The following DNAI4 variants were observed in gnomAD, a reference collection of about 807,000 sequenced individuals.
The protein encoded by DNAI4 is WD repeat domain 78.
DNAI4 carries 85 observed loss-of-function variants against 105.8 expected under a neutral mutation model. The observed-to-expected ratio is 0.80, with a 90% CI of 0.67 to 0.96. The LOEUF is 0.96. Among genes scored for constraint, DNAI4 ranks in the 40% least tolerant of loss-of-function variants. DNAI4 has a pLI of 0.00. For missense variants in DNAI4, 1,014 were observed against 1,005.6 expected, an observed-to-expected ratio of 1.01 and a Z score of -0.11; for synonymous variants, 352 against 331.5, an observed-to-expected ratio of 1.06 and a Z score of -0.67.
chr1:66,864,958 G>C (rs933082260), intron 6 of DNAI4, among the ~76,000 whole-genome samples: 5 of 152,138 alleles, frequency 3.3e-5, no homozygotes, highest in Non-Finnish European at 5.9e-5. Flanking sequence ...TAATCAACTG[G>C]GGATGTTCTA....
intron 13 of DNAI4, among the ~76,000 whole-genome samples, chr1:66,829,947 T>C (rs977979500): frequency 1.3e-5 from 2 of 152,126 alleles, no homozygotes; most frequent in African/African-American, 4.8e-5. Context: ...GGAAACTAAA[T>C]AACATGCTTC....
intron 16 of DNAI4, among the ~76,000 whole-genome samples, chr1:66,817,232 C>T (rs1645535962): frequency 6.6e-6 from 1 of 152,114 alleles, no homozygotes; most frequent in African/African-American, 2.4e-5. Flanking sequence ...TTCTCATTAG[C>T]ATGTTTTTCA....
intron 7 of DNAI4, among the ~76,000 whole-genome samples, chr1:66,859,440 C>T (rs538696190): frequency 6.6e-6 from 1 of 152,198 alleles, no homozygotes; most frequent in Admixed American, 6.5e-5. Context: ...AAAAATCGGG[C>T]TCCTAGATAT....
chr1:66,889,973 G>A (rs1269666612), intron 4 of DNAI4, among the ~76,000 whole-genome samples: 4 of 152,078 alleles, frequency 2.6e-5, no homozygotes, highest in African/African-American at 4.8e-5. Flanking sequence ...TTCCACATAT[G>A]TTATTATGGA....
At chr1:66,922,942 T>G (rs2100917411) in intron 1 of DNAI4, among the ~76,000 whole-genome samples, 1 of 152,266 alleles carries the variant, frequency 6.6e-6, no homozygotes, top group South Asian at 2.1e-4. Context: ...ATTAAAGACA[T>G]CAGAGTGAAG....
intron 7 of DNAI4, among the ~76,000 whole-genome samples, chr1:66,856,553 C>T (rs1429737370): frequency 6.6e-6 from 1 of 151,862 alleles, no homozygotes. Context: ...TTCTCAAGCT[C>T]ACATGGCACA....
At chr1:66,853,906 A>T (rs182928061) in intron 7 of DNAI4, among the ~76,000 whole-genome samples, 1 of 152,354 alleles carries the variant, frequency 6.6e-6, no homozygotes, top group African/African-American at 2.4e-5. Flanking sequence ...AGGCATGTAG[A>T]TCAGATAGAA....
At chr1:66,922,297 C>T (rs1650546096) in intron 1 of DNAI4, among the ~76,000 whole-genome samples, 1 of 143,998 alleles carries the variant, frequency 6.9e-6, no homozygotes, top group Admixed American at 7.2e-5. Context: ...AGTATTATTA[C>T]TTTATATGGG....
chr1:66,839,268 C>T (rs1646097216), intron 9 of DNAI4, among the ~76,000 whole-genome samples: 1 of 151,884 alleles, frequency 6.6e-6, no homozygotes. Flanking sequence ...CCCCATCTCC[C>T]CAAAAAATTA....
intron 1 of DNAI4, among the ~76,000 whole-genome samples, chr1:66,922,111 G>A (rs557842843): frequency 2.0e-5 from 3 of 152,024 alleles, no homozygotes; most frequent in African/African-American, 7.2e-5. Context: ...GGCTGGTTGT[G>A]GACTCCCAAG....
intron 13 of DNAI4, among the ~76,000 whole-genome samples, chr1:66,831,750 A>T (rs1645869909): frequency 6.6e-6 from 1 of 152,206 alleles, no homozygotes; most frequent in African/African-American, 2.4e-5. Flanking sequence ...TTTACTCATC[A>T]CTGTACTGGA....
Position 66,841,285 on chromosome 1 carries a change from C to G in DNAI4, c.1292-614G>C, listed in dbSNP as rs375042048. On this transcript the variant is annotated intron_variant, in intron 8 of 16. Transcript: ENST00000371026. Reference sequence around the variant, plus strand: ...GAATTGATATACCCCTGAAGTAAGACAGTGAAGGTATATTGCTGGCCTGAC... The same window carrying G: ...GAATTGATATACCCCTGAAGTAAGAGAGTGAAGGTATATTGCTGGCCTGAC... Among the ~76,000 whole-genome samples, 12 of 152,268 alleles carry G rather than the reference C, an allele frequency of 7.9e-5. No homozygotes were observed. The East Asian group carries it at 2.3e-3, about 29-fold the overall frequency.
At chr1:66,882,746 T>G (rs1481546759) in intron 4 of DNAI4, among the ~76,000 whole-genome samples, 1 of 152,108 alleles carries the variant, frequency 6.6e-6, no homozygotes, top group African/African-American at 2.4e-5. Context: ...TCACTTTTTT[T>G]TTTTCCAGAG....
intron 7 of DNAI4, among the ~76,000 whole-genome samples, chr1:66,861,790 T>G (rs1187120113): frequency 6.6e-6 from 1 of 152,220 alleles, no homozygotes; most frequent in Non-Finnish European, 1.5e-5. Flanking sequence ...TGTTAATGTA[T>G]AAATCCATTT....
At chr1:66,862,093 T>C in intron 7 of DNAI4, 54 bp downstream of exon 7, 1 of 1,492,028 alleles carries the variant, frequency 6.7e-7, no homozygotes. Context: ...AAAGAATTTA[T>C]TAAAAATGCC....
intron 1 of DNAI4, among the ~76,000 whole-genome samples, chr1:66,913,014 G>GT (rs1196355407): frequency 6.6e-5 from 10 of 152,160 alleles, no homozygotes; most frequent in Non-Finnish European, 1.3e-4. Context: ...AGAATGGCAA[G>GT]TTTTTCCTGC....
intron 4 of DNAI4, among the ~76,000 whole-genome samples, chr1:66,885,656 A>C (rs1647179963): frequency 6.6e-6 from 1 of 152,122 alleles, no homozygotes; most frequent in Admixed American, 6.6e-5. Flanking sequence ...CCAGGAGTTC[A>C]AGACCAGCCT....
At chr1:66,854,526 G>A (rs560887936) in intron 7 of DNAI4, among the ~76,000 whole-genome samples, 109 of 152,272 alleles carry the variant, frequency 7.2e-4, no homozygotes, top group Non-Finnish European at 1.2e-3. Context: ...GATCTTGGCC[G>A]GGTGCAGTGG....
intron 6 of DNAI4, 34 bp downstream of exon 6, chr1:66,871,336 A>G (rs1379066075): frequency 8.9e-6 from 14 of 1,569,514 alleles, no homozygotes; most frequent in Non-Finnish European, 1.2e-5. Context: ...ATATTAGAAC[A>G]TTATAGTTTA....
Sources: allele counts gnomAD v4.1 joint callset (sites outside exome capture counted in the v4.1 genomes callset), GRCh38; gene constraint gnomAD v4.1.1; transcripts MANE v1.5; gene names NCBI Gene and HGNC (gene_info 2026-07-23, HGNC 2026-07-21).